AJAP1: variants seen among roughly 807,000 people sequenced by gnomAD.
The protein encoded by AJAP1 is adherens junctions associated protein 1, also known as adherens junction-associated protein 1.
In AJAP1, 5 loss-of-function variants were observed where a neutral mutation model predicts 35.0. That is an observed-to-expected ratio of 0.14 (90% confidence interval 0.07 to 0.30). The LOEUF is 0.30. Among genes scored for constraint, AJAP1 ranks in the 10% least tolerant of loss-of-function variants. The pLI is 1.00. For missense variants in AJAP1, 586 were observed against 571.0 expected (o/e 1.03, Z -0.27); for synonymous variants, 284 against 249.3 (o/e 1.14, Z -1.31).
At chr1:4,774,699 G>T in intron 5 of AJAP1, 141 bp downstream of exon 5, 1 of 583,338 alleles carries the variant, frequency 1.7e-6, no homozygotes, top group East Asian at 2.9e-5. Flanking sequence ...CTCTGAACAT[G>T]AGCCGGCGGG....
chr1:4,722,353 G>T (rs945773157), intron 2 of AJAP1, among the ~76,000 whole-genome samples: 1 of 152,192 alleles, frequency 6.6e-6, no homozygotes, highest in Non-Finnish European at 1.5e-5. Context: ...TCCTGTGCAC[G>T]GCAGGACCTG....
chr1:4,741,089 G>A (rs1641058927), intron 2 of AJAP1, among the ~76,000 whole-genome samples: 1 of 152,058 alleles, frequency 6.6e-6, no homozygotes, highest in African/African-American at 2.4e-5. Flanking sequence ...GGGCTGGCAG[G>A]GCTGGGAGGT....
At chr1:4,691,802 A>AAGCGCTCAGAGGGGGCCC (rs1639746073) in intron 1 of AJAP1, among the ~76,000 whole-genome samples, 1 of 152,124 alleles carries the variant, frequency 6.6e-6, no homozygotes, top group Admixed American at 6.5e-5. Flanking sequence ...TGTGGGGGAC[A>AAGCGCTCAGAGGGGGCCC]AGCGCTCAGA....
intron 3 of AJAP1, among the ~76,000 whole-genome samples, chr1:4,770,214 A>C (rs1299881151): frequency 6.6e-6 from 1 of 152,122 alleles, no homozygotes. Context: ...CTCTGGATCC[A>C]AGTGTCCCTT....
chr1:4,769,891 CTCA>C lies in AJAP1; in HGVS notation c.873_875del (p.Ile291del). 1 of 1,614,150 alleles carries C rather than the reference CTCA, an allele frequency of 6.2e-7. No homozygotes were observed. Among genetic ancestry groups the C allele is most frequent in the Non-Finnish European group, 8.5e-7 (1 of 1,180,008 alleles). ...TCAGATCATCACCATCACCGTCTCC[CTCA>C]TCATGGTCATAGCTGCTCTCATCAC... On this transcript the variant is annotated inframe_deletion, in exon 3 of 6. Coordinates refer to ENST00000378191, the MANE Select transcript of AJAP1 (RefSeq NM_018836.4).
intron 2 of AJAP1, among the ~76,000 whole-genome samples, chr1:4,738,372 T>G (rs985724164): frequency 6.6e-6 from 1 of 152,136 alleles, no homozygotes; most frequent in African/African-American, 2.4e-5. Context: ...AAGAAGAATG[T>G]GGATTGACTG....
chr1:4,659,512 T>C (rs1451309809), intron 1 of AJAP1, among the ~76,000 whole-genome samples: 1 of 152,108 alleles, frequency 6.6e-6, no homozygotes, highest in African/African-American at 2.4e-5. Flanking sequence ...GGTTACATAA[T>C]TCAGATTAAC....
intron 1 of AJAP1, among the ~76,000 whole-genome samples, chr1:4,661,814 T>G (rs1217142282): frequency 1.3e-5 from 2 of 152,224 alleles, no homozygotes; most frequent in African/African-American, 4.8e-5. Context: ...AATGACAGAT[T>G]ATTTTGCAGC....
intron 2 of AJAP1, among the ~76,000 whole-genome samples, chr1:4,725,036 G>A (rs1032287289): frequency 6.6e-6 from 1 of 152,174 alleles, no homozygotes; most frequent in Non-Finnish European, 1.5e-5. Context: ...GACTGCCCAC[G>A]CTTGTGCCCA....
intron 1 of AJAP1, among the ~76,000 whole-genome samples, chr1:4,685,080 GC>G (rs745532395): frequency 5.9e-5 from 9 of 152,260 alleles, no homozygotes; most frequent in African/African-American, 7.2e-5. Flanking sequence ...TGCAGTCATG[GC>G]CCCGAACCCC....
intron 1 of AJAP1, among the ~76,000 whole-genome samples, chr1:4,687,571 G>A (rs1246989410): frequency 6.6e-6 from 1 of 152,236 alleles, no homozygotes; most frequent in Non-Finnish European, 1.5e-5. Context: ...GGGGAGGACA[G>A]TGGAAGGTTC....
At chr1:4,744,629 A>G (rs1296709120) in intron 2 of AJAP1, among the ~76,000 whole-genome samples, 1 of 45,122 alleles carries the variant, frequency 2.2e-5, no homozygotes, top group East Asian at 2.5e-4. Context: ...GCATATGCAC[A>G]CACACACACA....
rs531456209 is a variant in AJAP1, at chr1:4,757,563, C to T, written c.830-12290C>T. ...TGGAGGGGGTGAGGATTTGGGATCA[C>T]CATGGAAACACATCACAGGTACCTG... is the stretch of plus-strand genomic sequence containing the variant. On this transcript the variant is annotated intron_variant, in intron 2 of 5. Transcript: ENST00000378191. Among the ~76,000 whole-genome samples, 226 of 152,314 alleles carry T rather than the reference C, an allele frequency of 1.5e-3. 1 individual carries two copies. Among genetic ancestry groups the T allele is most frequent in the African/African-American group, 5.1e-3 (211 of 41,578 alleles).
Position 4,710,358 on chromosome 1 carries a change from C to A in AJAP1, c.30-1542C>A, listed in dbSNP as rs192044804. Among the ~76,000 whole-genome samples, 17 of 152,314 alleles carry A rather than the reference C, an allele frequency of 1.1e-4. No homozygotes were observed. In the East Asian group the frequency reaches 3.3e-3, roughly 29 times the overall value. ...ACAGTCTCTCACACTCGTGGACACA[C>A]CCCCAGATGCATCTTTACACTCATG... is the stretch of plus-strand genomic sequence containing the variant. On this transcript the variant is annotated intron_variant, in intron 1 of 5. Transcript: ENST00000378191.
rs1570242881 is a variant in AJAP1 at position 4,788,839 on chromosome 1, T to G, written c.*6354T>G. 6.6e-6 allele frequency: 1 copy of G among 152,006 alleles called. No homozygotes were observed. The highest frequency in any genetic ancestry group is 6.6e-5 in the Admixed American group (1 of 15,244). The allele number at this position is 152,006 out of a possible 1,614,324, so 9.4% of individuals were successfully genotyped here. ...GGGGAGGAAAGTTCTCTCCATCGAT[T>G]CCCAAACACACCAGCCACAAGTCCA... On this transcript the variant is annotated 3_prime_UTR_variant, in exon 6 of 6. Coordinates refer to ENST00000378191, the MANE Select transcript of AJAP1 (RefSeq NM_018836.4).
chr1:4,733,454 C>A (rs1181944563), intron 2 of AJAP1, among the ~76,000 whole-genome samples: 2 of 149,790 alleles, frequency 1.3e-5, no homozygotes, highest in Non-Finnish European at 1.5e-5. Flanking sequence ...ATTCAGCTGA[C>A]CAAAGTATCT....
intron 2 of AJAP1, among the ~76,000 whole-genome samples, chr1:4,712,999 C>G (rs548663692): frequency 1.3e-5 from 2 of 152,284 alleles, no homozygotes; most frequent in African/African-American, 4.8e-5. Flanking sequence ...AGCCCTGTTA[C>G]AGACCGGTGG....
chr1:4,666,404 G>C (rs1639119260), intron 1 of AJAP1, among the ~76,000 whole-genome samples: 1 of 152,212 alleles, frequency 6.6e-6, no homozygotes, highest in Non-Finnish European at 1.5e-5. Flanking sequence ...TAGGGCCAGG[G>C]TCCCAGGGAA....
rs774262228 is a variant in AJAP1 at position 4,787,769 on chromosome 1, C to T, written c.*5284C>T. ...CAAGGAGGATAAGGGGGTTCAACGT[C>T]AGCGACTTGGCCCACGGGGCACGGG... On this transcript the variant is annotated 3_prime_UTR_variant, in exon 6 of 6. Transcript: ENST00000378191. 3 of 455,030 alleles carry T rather than the reference C, an allele frequency of 6.6e-6. No homozygotes were observed. Among genetic ancestry groups the T allele is most frequent in the South Asian group, 4.7e-5 (3 of 64,382 alleles). The allele number at this position is 455,030 out of a possible 1,614,324, so 28.2% of individuals were successfully genotyped here.
Sources: gnomAD v4.1 joint callset for allele counts (sites outside exome capture counted in the v4.1 genomes callset) on GRCh38, gnomAD v4.1.1 for gene constraint, MANE v1.5 for transcripts, NCBI Gene and HGNC (gene_info 2026-07-23, HGNC 2026-07-21) for gene names.